The following NCAM2 variants were observed in gnomAD, a reference collection of about 807,000 sequenced individuals.
NCAM2 encodes neural cell adhesion molecule 2.
Under a neutral mutation model 98.1 loss-of-function variants are expected in NCAM2, and 30 were observed. The observed-to-expected ratio is 0.31, with a 90% confidence interval of 0.23 to 0.41. The LOEUF is 0.41. NCAM2 is among the 10% of genes least tolerant of loss of function. The pLI is 1.00. For synonymous variants in NCAM2, 368 were observed against 342.4 expected, an observed-to-expected ratio of 1.07 and a Z score of -0.83; for missense variants, 867 against 1,005.8, an observed-to-expected ratio of 0.86 and a Z score of 1.87.
intron 11 of NCAM2, among the ~76,000 whole-genome samples, chr21:21,425,068 A>AAAAAAAAC: frequency 6.7e-6 from 1 of 149,090 alleles, no homozygotes; most frequent in Non-Finnish European, 1.5e-5. Flanking sequence ...AAAAAAAAAA[A>AAAAAAAAC]TTCATCATGT....
At chr21:21,369,217 C>G (rs776079127) in intron 8 of NCAM2, among the ~76,000 whole-genome samples, 3 of 151,736 alleles carry the variant, frequency 2.0e-5, no homozygotes, top group Non-Finnish European at 4.4e-5. Context: ...TTGAATTATT[C>G]AATACTAGTC....
chr21:21,269,614 A>G (rs2072418841), intron 1 of NCAM2, among the ~76,000 whole-genome samples: 1 of 152,168 alleles, frequency 6.6e-6, no homozygotes, highest in African/African-American at 2.4e-5. Context: ...TGTAATATAA[A>G]GTTCATGTTA....
intron 16 of NCAM2, among the ~76,000 whole-genome samples, chr21:21,517,966 C>G (rs1388552602): frequency 6.6e-6 from 1 of 152,164 alleles, no homozygotes; most frequent in East Asian, 1.9e-4. Context: ...GAGCTTGAAT[C>G]CCAGTACACT....
At chr21:21,066,808 C>T (rs991479166) in intron 1 of NCAM2, among the ~76,000 whole-genome samples, 1 of 151,882 alleles carries the variant, frequency 6.6e-6, no homozygotes, top group African/African-American at 2.4e-5. Context: ...GTACCCAAAG[C>T]ATTATTAGAT....
intron 1 of NCAM2, among the ~76,000 whole-genome samples, chr21:21,136,606 T>A (rs2067056227): frequency 6.7e-6 from 1 of 149,952 alleles, no homozygotes; most frequent in African/African-American, 2.5e-5. Flanking sequence ...GGATTATAGG[T>A]GCAGGCCACC....
chr21:21,314,339 T>C (rs1300400377), intron 5 of NCAM2, among the ~76,000 whole-genome samples: 1 of 152,122 alleles, frequency 6.6e-6, no homozygotes, highest in African/African-American at 2.4e-5. Context: ...CTTTTGGCCT[T>C]AATGATTTCT....
intron 1 of NCAM2, among the ~76,000 whole-genome samples, chr21:21,060,356 G>C: frequency 6.6e-6 from 1 of 152,028 alleles, no homozygotes; most frequent in Non-Finnish European, 1.5e-5. Flanking sequence ...AAGCATATCT[G>C]TGTATGGGTT....
intron 1 of NCAM2, among the ~76,000 whole-genome samples, chr21:21,245,224 G>A (rs920419984): frequency 3.3e-5 from 5 of 152,062 alleles, no homozygotes; most frequent in African/African-American, 1.2e-4. Flanking sequence ...TCTTCATTCA[G>A]AGGTCAACTA....
intron 1 of NCAM2, among the ~76,000 whole-genome samples, chr21:21,123,094 A>G (rs2059456348): frequency 6.6e-6 from 1 of 152,140 alleles, no homozygotes; most frequent in Non-Finnish European, 1.5e-5. Flanking sequence ...GTGAGAACAT[A>G]TGATTTGAAA....
intron 1 of NCAM2, among the ~76,000 whole-genome samples, chr21:21,272,526 AC>A (rs1462607324): frequency 2.0e-5 from 3 of 151,558 alleles, no homozygotes; most frequent in Non-Finnish European, 2.9e-5. Flanking sequence ...ACACACACAC[AC>A]ACACACTTCC....
intron 1 of NCAM2, among the ~76,000 whole-genome samples, chr21:21,004,738 T>C (rs1432963890): frequency 6.6e-6 from 1 of 152,138 alleles, no homozygotes; most frequent in Non-Finnish European, 1.5e-5. Context: ...ACAGGCTCTC[T>C]TATCATAATC....
At chr21:21,384,411 G>A (rs944729395) in intron 9 of NCAM2, among the ~76,000 whole-genome samples, 20 of 151,706 alleles carry the variant, frequency 1.3e-4, no homozygotes, top group Non-Finnish European at 2.5e-4. Context: ...TAGCAGTCTA[G>A]TTTCCTTTTT....
At chr21:21,073,809 A>G (rs1438946119) in intron 1 of NCAM2, among the ~76,000 whole-genome samples, 1 of 152,238 alleles carries the variant, frequency 6.6e-6, no homozygotes, top group Non-Finnish European at 1.5e-5. Context: ...GTCACATAAC[A>G]TGACAAGAAA....
chr21:21,209,269 G>T (rs1393266547), intron 1 of NCAM2, among the ~76,000 whole-genome samples: 2 of 152,196 alleles, frequency 1.3e-5, no homozygotes, highest in East Asian at 1.9e-4. Context: ...AGGCTGGATT[G>T]CAGTGGCACG....
At chr21:21,030,408 G>C (rs1029577019) in intron 1 of NCAM2, among the ~76,000 whole-genome samples, 2 of 152,088 alleles carry the variant, frequency 1.3e-5, no homozygotes, top group Admixed American at 6.5e-5. Flanking sequence ...TTATCTTACT[G>C]TTCTATAGGT....
At chr21:21,352,963 C>A (rs1302973322) in intron 8 of NCAM2, among the ~76,000 whole-genome samples, 1 of 151,992 alleles carries the variant, frequency 6.6e-6, no homozygotes, top group Non-Finnish European at 1.5e-5. Flanking sequence ...AAGCAATTTT[C>A]CTGCCTCAGC....
chr21:21,192,727 A>C (rs1338369095), intron 1 of NCAM2, among the ~76,000 whole-genome samples: 1 of 152,206 alleles, frequency 6.6e-6, no homozygotes, highest in Non-Finnish European at 1.5e-5. Flanking sequence ...CAAAACAAAC[A>C]AAACAACCGT....
intron 15 of NCAM2, among the ~76,000 whole-genome samples, chr21:21,492,630 A>C (rs566030887): frequency 1.5e-3 from 224 of 151,920 alleles, no homozygotes; most frequent in African/African-American, 5.1e-3. Flanking sequence ...TTTAATTAAT[A>C]TATTTTTATT....
chr21:20,998,963 A>C (rs900994169), intron 1 of NCAM2, among the ~76,000 whole-genome samples: 2 of 152,222 alleles, frequency 1.3e-5, no homozygotes, highest in Middle Eastern at 3.4e-3. Flanking sequence ...ACAGTGAAAT[A>C]TCTGAGGTTG....
Sources: gnomAD v4.1 joint callset for allele counts (sites outside exome capture counted in the v4.1 genomes callset) on GRCh38, gnomAD v4.1.1 for gene constraint, MANE v1.5 for transcripts, NCBI Gene and HGNC (gene_info 2026-07-23, HGNC 2026-07-21) for gene names.